MAMDC2: variants seen among roughly 807,000 people sequenced by gnomAD.
The protein encoded by MAMDC2 is MAM domain-containing protein 2.
MAMDC2 carries 57 observed loss-of-function variants against 89.8 expected under a neutral mutation model. The observed-to-expected ratio is 0.63, with a 90% CI of 0.51 to 0.79. The LOEUF (loss-of-function observed/expected upper bound fraction) is 0.79, where lower values mean the gene tolerates loss of function less well. Among genes scored for constraint, MAMDC2 ranks in the 30% least tolerant of loss-of-function variants. MAMDC2 has a pLI of 0.00. For synonymous variants in MAMDC2, 313 were observed against 293.4 expected (o/e 1.07, Z -0.68); for missense variants, 800 against 820.6 (o/e 0.97, Z 0.31).
chr9:70,141,506 T>C (rs2031221370), intron 8 of MAMDC2, among the ~76,000 whole-genome samples: 1 of 152,072 alleles, frequency 6.6e-6, no homozygotes, highest in African/African-American at 2.4e-5. Context: ...TAAGCACAGG[T>C]TGTGGTAAGT....
intron 9 of MAMDC2, among the ~76,000 whole-genome samples, chr9:70,146,650 C>T (rs753640889): frequency 1.2e-4 from 19 of 152,114 alleles, no homozygotes; most frequent in African/African-American, 1.7e-4. Flanking sequence ...ATTCCACTTC[C>T]AGTCAGGAGT....
intron 9 of MAMDC2, among the ~76,000 whole-genome samples, chr9:70,168,263 A>G (rs949100977): frequency 5.9e-5 from 9 of 152,168 alleles, no homozygotes; most frequent in Admixed American, 5.2e-4. Flanking sequence ...AGGCCAAGGC[A>G]GGCAGATCAC....
At chr9:70,151,036 C>T (rs1268524547) in intron 9 of MAMDC2, among the ~76,000 whole-genome samples, 1 of 152,194 alleles carries the variant, frequency 6.6e-6, no homozygotes, top group East Asian at 1.9e-4. Flanking sequence ...CTGCCACATT[C>T]ATAGAGTCCC....
chr9:70,188,831 C>G (rs1364522702), intron 11 of MAMDC2: 1 of 130,040 alleles, frequency 7.7e-6, no homozygotes, highest in Non-Finnish European at 1.6e-5. Flanking sequence ...TCTCAAACTC[C>G]TGGGCTCAAG....
At chr9:70,183,320 T>C (rs1244798869) in intron 11 of MAMDC2, among the ~76,000 whole-genome samples, 17 of 152,250 alleles carry the variant, frequency 1.1e-4, no homozygotes. Context: ...AGAATGTATA[T>C]TCTCCTGATT....
chr9:70,049,324 C>G (rs1271212962), intron 2 of MAMDC2, among the ~76,000 whole-genome samples: 3 of 152,184 alleles, frequency 2.0e-5, no homozygotes, highest in African/African-American at 7.2e-5. Context: ...TTTAAGGACA[C>G]TCTCAGCTCC....
intron 11 of MAMDC2, among the ~76,000 whole-genome samples, chr9:70,213,438 C>T (rs74738267): frequency 0.073 from 11,075 of 152,068 alleles, 587 homozygotes; most frequent in East Asian, 0.22. Context: ...TTTTTTTAAG[C>T]TAAATGTATT....
chr9:70,112,517 G>A (rs3015220), intron 4 of MAMDC2, among the ~76,000 whole-genome samples: 1 of 152,112 alleles, frequency 6.6e-6, no homozygotes, highest in African/African-American at 2.4e-5. Context: ...GACTGGGCCA[G>A]TAGATTCAAG....
chr9:70,062,455 A>G (rs546734127), intron 2 of MAMDC2: 1 of 152,340 alleles, frequency 6.6e-6, no homozygotes, highest in East Asian at 1.9e-4. Context: ...AGTCACCACC[A>G]TAATTTATAG....
intron 4 of MAMDC2, 21 bp downstream of exon 4, chr9:70,109,825 T>C (rs1406551108): frequency 6.3e-7 from 1 of 1,580,360 alleles, no homozygotes; most frequent in African/African-American, 1.3e-5. Context: ...TTCATTTTCA[T>C]TAAATCAAAT....
intron 5 of MAMDC2, chr9:70,113,721 G>A (rs1225633728): frequency 6.5e-6 from 1 of 153,126 alleles, no homozygotes; most frequent in African/African-American, 2.4e-5. Flanking sequence ...CAAGGGCAAG[G>A]GCTTACTTAC....
Position 70,143,629 on chromosome 9 carries a change from C to T in MAMDC2, c.1214C>T (p.Pro405Leu), listed in dbSNP as rs761505934. 1.2e-6 allele frequency: 2 copies of T among 1,614,054 alleles called. No individual in the cohort carries two copies. Among genetic ancestry groups the T allele is most frequent in the Non-Finnish European group, 8.5e-7 (1 of 1,180,020 alleles). ...GGAAGGCTCTATGGGCCCTCCCTACCAGGAAACTTGCAGTATTGTCTGCGT... is the reference window on the plus strand; with the variant it reads ...GGAAGGCTCTATGGGCCCTCCCTACTAGGAAACTTGCAGTATTGTCTGCGT... ...YIGRLYGPSL[P>L]GNLQYCLRFH... The change falls in exon 9 of 14, where the codon CCA (proline) becomes CTA (leucine). Residue 405 changes from proline (P) to leucine (L), a missense_variant. Coordinates refer to ENST00000377182, the MANE Select transcript of MAMDC2 (RefSeq NM_153267.5).
chr9:70,129,436 T>G (rs935969040), intron 6 of MAMDC2, among the ~76,000 whole-genome samples: 4 of 152,188 alleles, frequency 2.6e-5, no homozygotes, highest in African/African-American at 9.6e-5. Flanking sequence ...TTACCCAGTC[T>G]CGGTATGTCT....
chr9:70,212,081 C>T (rs979069432), intron 11 of MAMDC2, among the ~76,000 whole-genome samples: 2 of 152,218 alleles, frequency 1.3e-5, no homozygotes, highest in Non-Finnish European at 2.9e-5. Context: ...GGTCAGGGAC[C>T]CACTTGAGGA....
At chr9:70,208,849 G>A (rs540550815) in intron 11 of MAMDC2, among the ~76,000 whole-genome samples, 6 of 152,330 alleles carry the variant, frequency 3.9e-5, no homozygotes, top group Admixed American at 2.6e-4. Flanking sequence ...AAGGGCTGCT[G>A]AATTTTGTCA....
At chr9:70,078,326 GTGCC>G (rs1207428057) in intron 2 of MAMDC2, among the ~76,000 whole-genome samples, 1 of 152,114 alleles carries the variant, frequency 6.6e-6, no homozygotes, top group Non-Finnish European at 1.5e-5. Context: ...ATTTTTCAAA[GTGCC>G]CACATAATGT....
At chr9:70,055,743 T>A (rs140412640) in intron 2 of MAMDC2, among the ~76,000 whole-genome samples, 2 of 152,342 alleles carry the variant, frequency 1.3e-5, no homozygotes, top group East Asian at 1.9e-4. Context: ...TGGAACCATT[T>A]GAAGGATTCT....
rs12348487 is a variant in MAMDC2, at chr9:70,131,064, C to G, written c.901-455C>G. On this transcript the variant is annotated intron_variant, in intron 6 of 13. Coordinates refer to ENST00000377182, the MANE Select transcript of MAMDC2 (RefSeq NM_153267.5). ...CTTACAGTCCTGAAGTCTGGGAAGT[C>G]CTAGATCAAAGTATTGGCAGATCTG... Among the ~76,000 whole-genome samples the G allele has an allele frequency of 2.2e-3, 336 of 152,224 alleles. 4 individuals are homozygous for G. The highest frequency in any genetic ancestry group is 7.3e-3 in the African/African-American group (302 of 41,520).
intron 5 of MAMDC2, among the ~76,000 whole-genome samples, chr9:70,114,871 G>A (rs2029894323): frequency 6.6e-6 from 1 of 152,166 alleles, no homozygotes; most frequent in Admixed American, 6.5e-5. Flanking sequence ...GGAATTCAGA[G>A]ACAAAAGAGG....
Sources: gnomAD v4.1 joint callset for allele counts (sites outside exome capture counted in the v4.1 genomes callset) on GRCh38, gnomAD v4.1.1 for gene constraint, MANE v1.5 for transcripts, NCBI Gene and HGNC (gene_info 2026-07-23, HGNC 2026-07-21) for gene names.